The following NCK2 variants were observed in gnomAD, a reference collection of about 807,000 sequenced individuals.
The protein encoded by NCK2 is cytoplasmic protein NCK2.
A neutral mutation model predicts 33.9 loss-of-function variants in NCK2; 16 were observed. The observed-to-expected ratio is 0.47, with a 90% CI of 0.32 to 0.72. NCK2 has a LOEUF of 0.72. Ranked by LOEUF, NCK2 falls within the 30% of genes least tolerant of loss-of-function variation. The probability of loss-of-function intolerance (pLI) is 0.03; values close to 1 mark genes in which losing one functional copy is unlikely to be tolerated. For synonymous variants in NCK2, 273 were observed against 239.9 expected (o/e 1.14, Z -1.27); for missense variants, 418 against 537.3 (o/e 0.78, Z 2.19).
intron 3 of NCK2, among the ~76,000 whole-genome samples, chr2:105,862,762 CT>C (rs1230340460): frequency 6.6e-6 from 1 of 152,206 alleles, no homozygotes; most frequent in African/African-American, 2.4e-5. Flanking sequence ...GTCTTGGCAG[CT>C]TAGTCTCAAA....
chr2:105,775,629 C>A (rs1029181883), intron 1 of NCK2, among the ~76,000 whole-genome samples: 1 of 152,116 alleles, frequency 6.6e-6, no homozygotes, highest in African/African-American at 2.4e-5. Flanking sequence ...CTGTTTGTTT[C>A]ATGCAACCTT....
chr2:105,860,849 G>A (rs1483784968), intron 3 of NCK2, among the ~76,000 whole-genome samples: 2 of 148,700 alleles, frequency 1.3e-5, no homozygotes, highest in East Asian at 2.0e-4. Flanking sequence ...CATTCCTTGC[G>A]ACTGCAACTT....
chr2:105,818,691 TAAA>T (rs1213885185), intron 2 of NCK2, among the ~76,000 whole-genome samples: 1 of 152,158 alleles, frequency 6.6e-6, no homozygotes, highest in Non-Finnish European at 1.5e-5. Context: ...GACATTTGTA[TAAA>T]AAAACTTTAA....
chr2:105,850,939 G>A (rs554729729), intron 2 of NCK2, among the ~76,000 whole-genome samples: 3 of 152,250 alleles, frequency 2.0e-5, no homozygotes, highest in African/African-American at 7.2e-5. Context: ...GGTCCTGTTG[G>A]GTTTTAAGAA....
At chr2:105,852,944 G>A (rs956187048) in intron 2 of NCK2, among the ~76,000 whole-genome samples, 5 of 151,938 alleles carry the variant, frequency 3.3e-5, no homozygotes, top group African/African-American at 1.2e-4. Flanking sequence ...CAAAAGGTTT[G>A]TTATCTTTAA....
intron 1 of NCK2, among the ~76,000 whole-genome samples, chr2:105,783,554 C>T (rs1424817264): frequency 6.6e-6 from 1 of 152,158 alleles, no homozygotes; most frequent in East Asian, 1.9e-4. Context: ...GCAGTATTTG[C>T]CACCGTGGGT....
At chr2:105,871,993 G>A (rs1297514435) in intron 3 of NCK2, among the ~76,000 whole-genome samples, 1 of 152,186 alleles carries the variant, frequency 6.6e-6, no homozygotes, top group African/African-American at 2.4e-5. Flanking sequence ...ATGGAAGACT[G>A]GGGAAGCTGT....
At position 105,893,264 on chromosome 2, in the gene NCK2, G is replaced by A; in HGVS notation, c.*88G>A. On this transcript the variant is annotated 3_prime_UTR_variant, in exon 5 of 5. Coordinates refer to ENST00000233154, the MANE Select transcript of NCK2 (RefSeq NM_003581.5). Reference sequence around the variant, plus strand: ...GGCAGAGGCTCCTCCCGCGGGGACGGCCCCGACGGCTTCTCTGCGAGTCTC... The same window carrying A: ...GGCAGAGGCTCCTCCCGCGGGGACGACCCCGACGGCTTCTCTGCGAGTCTC... The A allele has an allele frequency of 7.9e-7, 1 of 1,265,050 alleles. No individual in the cohort carries two copies. Among genetic ancestry groups the A allele is most frequent in the East Asian group, 2.6e-5 (1 of 39,178 alleles). The allele number at this position is 1,265,050 out of a possible 1,614,324, so 78.4% of individuals were successfully genotyped here. A position where few individuals can be genotyped will look rare whatever the true frequency, so the allele number is the denominator to read the frequency against.
At chr2:105,751,802 A>G (rs1198603856) in intron 1 of NCK2, among the ~76,000 whole-genome samples, 1 of 152,130 alleles carries the variant, frequency 6.6e-6, no homozygotes, top group African/African-American at 2.4e-5. Context: ...TTTAATATGG[A>G]CTGTCTCCCT....
intron 2 of NCK2, among the ~76,000 whole-genome samples, chr2:105,823,976 G>T (rs1252291086): frequency 6.6e-6 from 1 of 152,118 alleles, no homozygotes; most frequent in Non-Finnish European, 1.5e-5. Context: ...TCCCTGGCCG[G>T]CGTGAACTCC....
At position 105,881,680 on chromosome 2, in the gene NCK2, C is replaced by A. The variant is rs775104425; in HGVS notation, c.579C>A (p.Gly193=). 1.2e-6 allele frequency: 2 copies of A among 1,613,770 alleles called. No homozygotes were observed. Among genetic ancestry groups the A allele is most frequent in the South Asian group, 2.2e-5 (2 of 91,040 alleles). Residue 193 remains glycine (G), a synonymous_variant, in exon 4 of 5, where the codon GGC becomes GGA. Coordinates refer to ENST00000233154, the MANE Select transcript of NCK2 (RefSeq NM_003581.5). ...RKGASLSNGQ[G]SRVLHVVQTL... is the part of the protein sequence containing the mutation. ...GCGCCTCGCTGAGCAATGGCCAGGG[C>A]TCCCGCGTGCTGCATGTGGTCCAGA...
chr2:105,799,311 T>G (rs1691187363), intron 1 of NCK2, among the ~76,000 whole-genome samples: 1 of 152,206 alleles, frequency 6.6e-6, no homozygotes, highest in African/African-American at 2.4e-5. Flanking sequence ...AAAGGGTGTT[T>G]TCCATATGTC....
rs10524426 is a variant in NCK2, at chr2:105,864,828, T to TACACAC, written c.226+9580_226+9585dup. On this transcript the variant is annotated intron_variant, in intron 3 of 4. Coordinates refer to ENST00000233154, the MANE Select transcript of NCK2 (RefSeq NM_003581.5). The stretch of plus-strand genomic sequence containing the variant: ...GTAACCTCTAGCTCACATGTGCATG[T>TACACAC]ACACACACACACACACACACACACA... Among the ~76,000 whole-genome samples, 1,268 of 144,432 alleles carry TACACAC rather than the reference T, an allele frequency of 8.8e-3. 12 individuals are homozygous for TACACAC. The highest frequency in any genetic ancestry group is 0.023 in the African/African-American group (852 of 37,578). The allele number at this position is 144,432 out of a possible 152,430, so 94.8% of individuals were successfully genotyped here. A position where few individuals can be genotyped will look rare whatever the true frequency, so the allele number is the denominator to read the frequency against.
intron 1 of NCK2, among the ~76,000 whole-genome samples, chr2:105,758,078 T>C (rs1469210158): frequency 6.6e-6 from 1 of 152,214 alleles, no homozygotes; most frequent in African/African-American, 2.4e-5. Flanking sequence ...TGAACTCTAC[T>C]TACATGTTGT....
At chr2:105,795,860 C>A (rs1207237983) in intron 1 of NCK2, among the ~76,000 whole-genome samples, 5 of 152,162 alleles carry the variant, frequency 3.3e-5, no homozygotes, top group African/African-American at 2.4e-5. Context: ...TCTCATCTTC[C>A]ACGCACCCTC....
chr2:105,745,286 GCCCTGCCGCGGCCTGGGCGCC>G (rs1171614934), intron 1 of NCK2, 148 bp downstream of exon 1: 7 of 151,772 alleles, frequency 4.6e-5, no homozygotes, highest in Admixed American at 4.6e-4. Flanking sequence ...GGTGCTCTCG[GCCCTGCCGCGGCCTGGGCGCC>G]CCCGACCGCG....
intron 1 of NCK2, among the ~76,000 whole-genome samples, chr2:105,781,838 C>T (rs1292247040): frequency 1.3e-5 from 2 of 152,224 alleles, no homozygotes; most frequent in East Asian, 1.9e-4. Context: ...ACTCTGGCCA[C>T]GTAGTGATGC....
chr2:105,862,237 G>GAA (rs1208824543), intron 3 of NCK2, among the ~76,000 whole-genome samples: 1 of 152,152 alleles, frequency 6.6e-6, no homozygotes, highest in African/African-American at 2.4e-5. Context: ...AGACTAGTGG[G>GAA]AAGGGGGTCG....
intron 2 of NCK2, chr2:105,854,570 TTC>T (rs1677186501): frequency 6.6e-6 from 1 of 152,526 alleles, no homozygotes; most frequent in South Asian, 2.1e-4. Flanking sequence ...AATTTTCTTT[TTC>T]TGTTTCATGA....
Sources: allele counts gnomAD v4.1 joint callset (sites outside exome capture counted in the v4.1 genomes callset), GRCh38; gene constraint gnomAD v4.1.1; transcripts MANE v1.5; gene names NCBI Gene and HGNC (gene_info 2026-07-23, HGNC 2026-07-21).